STK40: variants seen among roughly 807,000 people sequenced by gnomAD.
The protein encoded by STK40 is serine/threonine-protein kinase 40.
Under a neutral mutation model 47.9 loss-of-function variants are expected in STK40, and 13 were observed. That is an observed-to-expected ratio of 0.27 (90% CI 0.18 to 0.43). STK40 has a LOEUF of 0.43. STK40 is among the 20% of genes least tolerant of loss of function. The probability of loss-of-function intolerance (pLI) is 1.00; values close to 1 mark genes in which losing one functional copy is unlikely to be tolerated. For synonymous variants in STK40, 225 were observed against 243.2 expected, an observed-to-expected ratio of 0.93 and a Z score of 0.69; for missense variants, 460 against 595.1, an observed-to-expected ratio of 0.77 and a Z score of 2.36.
At chr1:36,378,915 G>A (rs1370559437) in intron 1 of STK40, among the ~76,000 whole-genome samples, 1 of 152,152 alleles carries the variant, frequency 6.6e-6, no homozygotes, top group Non-Finnish European at 1.5e-5. Context: ...CCCAGGGTTG[G>A]CAGATGCCAG....
chr1:36,350,369 T>C (rs902096603), intron 6 of STK40, among the ~76,000 whole-genome samples: 11 of 152,144 alleles, frequency 7.2e-5, no homozygotes, highest in Admixed American at 5.9e-4. Context: ...TTTTCTCCCC[T>C]GGTCAGAGAT....
intron 4 of STK40, 53 bp downstream of exon 4, chr1:36,358,186 C>T: frequency 6.7e-7 from 1 of 1,486,436 alleles, no homozygotes; most frequent in Non-Finnish European, 9.0e-7. Flanking sequence ...CAAGTGGCAG[C>T]CCACAGAGCC....
At chr1:36,354,324 C>T in intron 6 of STK40, 40 bp downstream of exon 6, 1 of 1,611,174 alleles carries the variant, frequency 6.2e-7, no homozygotes, top group South Asian at 1.1e-5. Flanking sequence ...CCTGCCCCAG[C>T]CCCGGGGTAA....
At chr1:36,346,876 C>G (rs576578065) in intron 7 of STK40, among the ~76,000 whole-genome samples, 2 of 152,324 alleles carry the variant, frequency 1.3e-5, no homozygotes, top group South Asian at 4.1e-4. Flanking sequence ...CAGCCCCACT[C>G]ACAGGCTGGG....
chr1:36,360,065 C>T (rs569114180), intron 2 of STK40, among the ~76,000 whole-genome samples: 4 of 152,340 alleles, frequency 2.6e-5, no homozygotes, highest in Middle Eastern at 3.4e-3. Flanking sequence ...CTTCAAGGCA[C>T]TTGCACCACC....
At chr1:36,373,070 G>A (rs755908992) in intron 1 of STK40, among the ~76,000 whole-genome samples, 82 of 152,112 alleles carry the variant, frequency 5.4e-4, no homozygotes, top group Non-Finnish European at 1.0e-3. Context: ...ATGGAGGTCC[G>A]GGCTCAAATT....
intron 1 of STK40, among the ~76,000 whole-genome samples, chr1:36,374,594 C>T (rs776101866): frequency 6.6e-6 from 1 of 152,238 alleles, no homozygotes; most frequent in Admixed American, 6.5e-5. Flanking sequence ...AACAAATAAT[C>T]TGTCACTGTG....
chr1:36,342,115 G>C (rs113074698), intron 10 of STK40, 142 bp from the exon 11 acceptor site: 7 of 792,988 alleles, frequency 8.8e-6, no homozygotes, highest in East Asian at 2.7e-5. Context: ...CCTCAAGGCC[G>C]GGGGTGGGAG....
chr1:36,348,250 T>C (rs1646721456), intron 7 of STK40, among the ~76,000 whole-genome samples: 1 of 152,268 alleles, frequency 6.6e-6, no homozygotes, highest in South Asian at 2.1e-4. Flanking sequence ...CCTTGCCTGA[T>C]CTGGCCCCTG....
intron 1 of STK40, among the ~76,000 whole-genome samples, chr1:36,369,792 T>C (rs977147646): frequency 2.0e-5 from 3 of 152,166 alleles, no homozygotes; most frequent in Admixed American, 6.5e-5. Flanking sequence ...CACCGCTGCC[T>C]CCCTGCACCC....
At chr1:36,370,423 AAAAATTC>A (rs1209207160) in intron 1 of STK40, among the ~76,000 whole-genome samples, 19 of 152,200 alleles carry the variant, frequency 1.2e-4, no homozygotes, top group Admixed American at 1.1e-3. Flanking sequence ...TGCTGGTCAG[AAAAATTC>A]CAACCACTTG....
At chr1:36,382,130 T>C (rs1376409215) in intron 1 of STK40, among the ~76,000 whole-genome samples, 55 of 152,078 alleles carry the variant, frequency 3.6e-4, no homozygotes, top group Non-Finnish European at 5.9e-5. Context: ...CAGACTAGGG[T>C]TGCTAGCAGG....
chr1:36,362,354 G>A (rs938597743), intron 1 of STK40, among the ~76,000 whole-genome samples: 3 of 152,192 alleles, frequency 2.0e-5, no homozygotes, highest in Non-Finnish European at 4.4e-5. Flanking sequence ...GTGGGTGCAG[G>A]GCTCCGGGAA....
intron 1 of STK40, among the ~76,000 whole-genome samples, chr1:36,364,457 C>T (rs568268942): frequency 2.6e-5 from 4 of 152,208 alleles, no homozygotes; most frequent in South Asian, 2.1e-4. Flanking sequence ...TTTTAAAATC[C>T]GTAATTCTTT....
intron 6 of STK40, 146 bp from the exon 7 acceptor site, chr1:36,348,961 G>A (rs746996834): frequency 4.7e-5 from 33 of 702,458 alleles, no homozygotes; most frequent in Admixed American, 3.8e-4. Flanking sequence ...CAGCTGCCCC[G>A]ACCCCCTCTC....
In STK40 at chr1:36,343,738, A is replaced by T. The variant is rs1646674832; in HGVS notation, c.1004+122T>A. The stretch of plus-strand genomic sequence containing the variant: ...CCCTCCCAATCTTGTCCATGCAGAG[A>T]ATCTGGAAATCTGACTCTAACTGGC... On this transcript the variant is annotated intron_variant, in intron 9 of 10. Coordinates refer to ENST00000373132, the MANE Select transcript of STK40 (RefSeq NM_001282547.2). 2.8e-6 allele frequency: 4 copies of T among 1,439,168 alleles called. No individual in the cohort carries two copies. In the African/African-American group the frequency reaches 5.7e-5, roughly 21 times the overall value. 89.1% of individuals were successfully genotyped at this position (1,439,168 alleles called of 1,614,324 possible).
intron 4 of STK40, among the ~76,000 whole-genome samples, chr1:36,355,648 G>A (rs1646797352): frequency 6.6e-6 from 1 of 152,208 alleles, no homozygotes; most frequent in Non-Finnish European, 1.5e-5. Flanking sequence ...GCCAGGACCA[G>A]CAAGAGGCTG....
chr1:36,363,584 A>T (rs1411589159), intron 1 of STK40, among the ~76,000 whole-genome samples: 1 of 151,486 alleles, frequency 6.6e-6, no homozygotes, highest in Non-Finnish European at 1.5e-5. Context: ...AAGCGGGCGG[A>T]TCACCAGGTC....
At chr1:36,359,107 T>C (rs1646830345) in intron 2 of STK40, among the ~76,000 whole-genome samples, 1 of 152,156 alleles carries the variant, frequency 6.6e-6, no homozygotes, top group South Asian at 2.1e-4. Context: ...TGAGCATCTA[T>C]TAAAAACAAG....
Sources: gnomAD v4.1 joint callset for allele counts (sites outside exome capture counted in the v4.1 genomes callset) on GRCh38, gnomAD v4.1.1 for gene constraint, MANE v1.5 for transcripts, NCBI Gene and HGNC (gene_info 2026-07-23, HGNC 2026-07-21) for gene names.